Variants in CDH18 observed in about 807,000 individuals in gnomAD.
CDH18 encodes cadherin 18.
Under a neutral mutation model 67.9 loss-of-function variants are expected in CDH18, and 31 were observed. The observed-to-expected ratio is 0.46, with a 90% confidence interval of 0.34 to 0.62. The LOEUF is 0.62. CDH18 is among the 20% of genes least tolerant of loss of function. CDH18 has a pLI of 0.01. For synonymous variants in CDH18, 362 were observed against 347.2 expected (o/e 1.04, Z -0.48); for missense variants, 890 against 975.5 (o/e 0.91, Z 1.17).
At chr5:19,598,500 AAAG>A (rs1009005660) in intron 6 of CDH18, among the ~76,000 whole-genome samples, 15 of 152,274 alleles carry the variant, frequency 9.9e-5, no homozygotes, top group Admixed American at 2.0e-4. Flanking sequence ...GTTTACAACA[AAAG>A]AAGGACATAG....
chr5:20,075,966 G>A (rs1187863360), intron 2 of CDH18, among the ~76,000 whole-genome samples: 2 of 152,112 alleles, frequency 1.3e-5, no homozygotes, highest in Non-Finnish European at 2.9e-5. Flanking sequence ...AGCAGGATGA[G>A]GTATGCCAAA....
intron 1 of CDH18, among the ~76,000 whole-genome samples, chr5:20,427,303 T>G (rs2150169425): frequency 6.6e-6 from 1 of 151,320 alleles, no homozygotes; most frequent in Admixed American, 6.6e-5. Flanking sequence ...AAAATGTATC[T>G]TAGAAAGTGT....
intron 2 of CDH18, among the ~76,000 whole-genome samples, chr5:20,157,834 G>A (rs1414934512): frequency 6.6e-6 from 1 of 151,854 alleles, no homozygotes; most frequent in Non-Finnish European, 1.5e-5. Context: ...TAGAGATGGG[G>A]TTTCACCATG....
chr5:20,145,233 A>G (rs1460475123), intron 2 of CDH18, among the ~76,000 whole-genome samples: 1 of 152,038 alleles, frequency 6.6e-6, no homozygotes, highest in Non-Finnish European at 1.5e-5. Flanking sequence ...TGAGATACCT[A>G]TACATTGATG....
At chr5:19,608,626 AT>A (rs1416944260) in intron 6 of CDH18, among the ~76,000 whole-genome samples, 2 of 151,836 alleles carry the variant, frequency 1.3e-5, no homozygotes, top group Non-Finnish European at 2.9e-5. Context: ...AAATACTGCC[AT>A]CTATTGAATT....
At chr5:19,835,642 G>A (rs1781542099) in intron 3 of CDH18, among the ~76,000 whole-genome samples, 1 of 152,088 alleles carries the variant, frequency 6.6e-6, no homozygotes, top group South Asian at 2.1e-4. Context: ...GAGCTTTGCA[G>A]TTTTTAGTTT....
chr5:20,074,498 G>A (rs1324616836), intron 2 of CDH18, among the ~76,000 whole-genome samples: 4 of 152,224 alleles, frequency 2.6e-5, no homozygotes, highest in Admixed American at 2.0e-4. Flanking sequence ...AAGGAAGGAA[G>A]TAACATTCCA....
chr5:20,154,385 C>T (rs952736086), intron 2 of CDH18, among the ~76,000 whole-genome samples: 3 of 152,116 alleles, frequency 2.0e-5, no homozygotes, highest in Non-Finnish European at 4.4e-5. Flanking sequence ...TTTTATTAGT[C>T]ACCTGTGGGA....
At chr5:20,538,931 C>A (rs1458133642) in intron 1 of CDH18, among the ~76,000 whole-genome samples, 1 of 95,872 alleles carries the variant, frequency 1.0e-5, no homozygotes, top group Admixed American at 1.3e-4. Context: ...TTTTGTCGCC[C>A]AGGCTGGAGT....
At chr5:19,568,346 A>C (rs1740795706) in intron 8 of CDH18, among the ~76,000 whole-genome samples, 1 of 152,148 alleles carries the variant, frequency 6.6e-6, no homozygotes, top group Non-Finnish European at 1.5e-5. Context: ...AACTGTCATG[A>C]ATGGATTAGT....
intron 2 of CDH18, among the ~76,000 whole-genome samples, chr5:20,216,785 A>T (rs1264515630): frequency 6.6e-6 from 1 of 151,996 alleles, no homozygotes; most frequent in African/African-American, 2.4e-5. Flanking sequence ...ACTGTAGAAC[A>T]ATGAGATTTA....
intron 1 of CDH18, among the ~76,000 whole-genome samples, chr5:20,349,316 A>G (rs1185416226): frequency 1.3e-5 from 2 of 152,134 alleles, no homozygotes; most frequent in South Asian, 2.1e-4. Flanking sequence ...AAAAGATCGA[A>G]TTTTAGTATG....
intron 3 of CDH18, among the ~76,000 whole-genome samples, chr5:19,827,327 CAA>C (rs70954605): frequency 6.0e-4 from 75 of 124,982 alleles, no homozygotes; most frequent in Admixed American, 1.1e-3. Context: ...GTTATCAAGG[CAA>C]AAAAAAAAAA....
At position 20,527,497 on chromosome 5, in the gene CDH18, G is replaced by A. The variant is rs979261096; in HGVS notation, c.-580+47965C>T. Among the ~76,000 whole-genome samples the A allele has an allele frequency of 2.6e-5, 4 of 152,092 alleles. No individual in the cohort carries two copies. In the South Asian group the frequency reaches 6.2e-4, roughly 24 times the overall value. Reference sequence around the variant, plus strand: ...TCAAAATGAAGGAAAAAATATTAAAGACAGGCAGAAAGAAAGGTGAGGTTA... The same window carrying A: ...TCAAAATGAAGGAAAAAATATTAAAAACAGGCAGAAAGAAAGGTGAGGTTA... On this transcript the variant is annotated intron_variant, in intron 1 of 14. Transcript: ENST00000507958.
chr5:19,507,116 A>G (rs543263493), intron 10 of CDH18, among the ~76,000 whole-genome samples: 4 of 152,322 alleles, frequency 2.6e-5, no homozygotes, highest in Non-Finnish European at 5.9e-5. Context: ...ACACTTCTCA[A>G]AAGAAGACAT....
At chr5:20,559,527 T>G (rs1196281555) in intron 1 of CDH18, among the ~76,000 whole-genome samples, 2 of 152,090 alleles carry the variant, frequency 1.3e-5, no homozygotes, top group Non-Finnish European at 1.5e-5. Context: ...TTTTCAGCAA[T>G]TAAATACATG....
intron 2 of CDH18, among the ~76,000 whole-genome samples, chr5:20,243,377 C>T (rs898704672): frequency 2.0e-5 from 3 of 152,070 alleles, no homozygotes; most frequent in Non-Finnish European, 2.9e-5. Flanking sequence ...TCAGATTTAA[C>T]TGAATATTGT....
intron 2 of CDH18, among the ~76,000 whole-genome samples, chr5:20,064,504 A>AATACATTTT (rs1742797677): frequency 1.3e-5 from 2 of 152,114 alleles, no homozygotes; most frequent in Admixed American, 1.3e-4. Flanking sequence ...TATGATTAGA[A>AATACATTTT]ATACATTTTA....
rs537921991 is a variant in CDH18 at position 19,498,277 on chromosome 5, G to A, written c.1630+4715C>T. 7.2e-5 allele frequency among the ~76,000 whole-genome samples: 11 copies of A among 152,234 alleles called. No homozygotes were observed. The South Asian group carries it at 8.3e-4, about 11-fold the overall frequency. ...TGATTGGTATACAAACACTGCAGAAGAGACAGTCTGGAAGAAAATAAAAAA... is the reference window on the plus strand; with the variant it reads ...TGATTGGTATACAAACACTGCAGAAAAGACAGTCTGGAAGAAAATAAAAAA... On this transcript the variant is annotated intron_variant, in intron 11 of 12. Transcript: ENST00000382275.
Sources: allele counts gnomAD v4.1 joint callset (sites outside exome capture counted in the v4.1 genomes callset), GRCh38; gene constraint gnomAD v4.1.1; transcripts MANE v1.5; gene names NCBI Gene and HGNC (gene_info 2026-07-23, HGNC 2026-07-21).